Variants in MID1 observed in about 807,000 individuals in gnomAD.
MID1 encodes the protein E3 ubiquitin-protein ligase Midline-1.
A neutral mutation model predicts 40.4 loss-of-function variants in MID1; 7 were observed. That is an observed-to-expected ratio of 0.17 (90% confidence interval 0.10 to 0.33). MID1 has a LOEUF of 0.33. Ranked by LOEUF, MID1 falls within the 10% of genes least tolerant of loss-of-function variation. The probability of loss-of-function intolerance (pLI) is 1.00; values close to 1 mark genes in which losing one functional copy is unlikely to be tolerated. For synonymous variants in MID1, 229 were observed against 221.2 expected, an observed-to-expected ratio of 1.04 and a Z score of -0.31; for missense variants, 367 against 558.5, an observed-to-expected ratio of 0.66 and a Z score of 3.46.
At position 10,573,809 on chromosome X, in the gene MID1, CCTTTCTGGAACCCGGTTTAGCA is replaced by C. The variant is rs1277525445; in HGVS notation, c.-56-6228_-56-6207del. Among the ~76,000 whole-genome samples, 3 of 111,889 alleles carry C rather than the reference CCTTTCTGGAACCCGGTTTAGCA, an allele frequency of 2.7e-5. No homozygotes were observed. In the East Asian group the frequency reaches 8.4e-4, roughly 31 times the overall value. On this transcript the variant is annotated intron_variant, in intron 1 of 9. Transcript: ENST00000317552. ...TTGTATCCCAAGATGGTCGAGAACC[CCTTTCTGGAACCCGGTTTAGCA>C]CTGACAGTTCTTTGCTTCATGTACT...
At chrX:10,637,467 A>G (rs990425229) in intron 1 of MID1, among the ~76,000 whole-genome samples, 4 of 109,787 alleles carry the variant, frequency 3.6e-5, no homozygotes, top group African/African-American at 1.3e-4. Flanking sequence ...TCTACTAAAA[A>G]TACAAAAATT....
intron 1 of MID1, among the ~76,000 whole-genome samples, chrX:10,615,797 A>C (rs1185819485): frequency 8.9e-6 from 1 of 112,285 alleles, no homozygotes; most frequent in Non-Finnish European, 1.9e-5. Context: ...TGGGCAAACA[A>C]ATTTCTAGAA....
At chrX:10,756,164 G>A (rs1337948548) in intron 1 of MID1, among the ~76,000 whole-genome samples, 6 of 111,528 alleles carry the variant, frequency 5.4e-5, no homozygotes, top group African/African-American at 2.0e-4. Flanking sequence ...AGAGCATATA[G>A]CATACGGCCA....
chrX:10,828,879 G>A (rs2044233360), intron 1 of MID1, among the ~76,000 whole-genome samples: 1 of 112,305 alleles, frequency 8.9e-6, no homozygotes, highest in African/African-American at 3.2e-5. Flanking sequence ...TGCCAGGTAC[G>A]TTCACAGACA....
intron 8 of MID1, among the ~76,000 whole-genome samples, chrX:10,455,661 T>TAAC (rs937628871): frequency 8.9e-6 from 1 of 112,152 alleles, no homozygotes; most frequent in Non-Finnish European, 1.9e-5. Flanking sequence ...TCTTGGGTCT[T>TAAC]AACATATAGA....
chrX:10,522,858 A>G (rs1265917213), intron 3 of MID1, among the ~76,000 whole-genome samples: 1 of 112,186 alleles, frequency 8.9e-6, no homozygotes, highest in Non-Finnish European at 1.9e-5. Flanking sequence ...TAGGACTGCT[A>G]TGTAATGCTA....
chrX:10,468,597 C>T (rs902410840), intron 7 of MID1, among the ~76,000 whole-genome samples: 14 of 112,211 alleles, frequency 1.2e-4, no homozygotes, highest in Admixed American at 1.2e-3. Context: ...AAAGCCATGT[C>T]TTCTGGTCCA....
intron 1 of MID1, among the ~76,000 whole-genome samples, chrX:10,676,957 C>T (rs1361309000): frequency 9.0e-6 from 1 of 111,708 alleles, no homozygotes; most frequent in East Asian, 2.8e-4. Context: ...TCATCTGAGT[C>T]TTATGACCCT....
intron 1 of MID1, among the ~76,000 whole-genome samples, chrX:10,690,516 A>G (rs979033583): frequency 1.8e-5 from 2 of 112,187 alleles, no homozygotes; most frequent in African/African-American, 6.5e-5. Flanking sequence ...TCATATTCCT[A>G]CTGCTTGTAT....
intron 1 of MID1, among the ~76,000 whole-genome samples, chrX:10,760,922 G>C (rs1247857257): frequency 8.9e-6 from 1 of 111,964 alleles, no homozygotes; most frequent in African/African-American, 3.2e-5. Flanking sequence ...TAATTATCTT[G>C]CTTGCTCTTC....
chrX:10,778,854 T>G (rs1039140987), intron 1 of MID1, among the ~76,000 whole-genome samples: 41 of 113,525 alleles, frequency 3.6e-4, no homozygotes, highest in Non-Finnish European at 7.3e-4. Flanking sequence ...AGCCACTAAA[T>G]TTGTATTAAT....
At chrX:10,582,120 C>T (rs546714020) in intron 1 of MID1, among the ~76,000 whole-genome samples, 2 of 111,621 alleles carry the variant, frequency 1.8e-5, no homozygotes, top group East Asian at 5.6e-4. Flanking sequence ...TCCTACGGAG[C>T]ATCCTAGGTC....
At chrX:10,735,110 T>C (rs902353406) in intron 1 of MID1, among the ~76,000 whole-genome samples, 15 of 112,140 alleles carry the variant, frequency 1.3e-4, no homozygotes, top group African/African-American at 4.9e-4. Flanking sequence ...TTTTTATTTT[T>C]TTATTTTTTG....
At chrX:10,737,400 A>T (rs1372459500) in intron 1 of MID1, among the ~76,000 whole-genome samples, 2 of 112,751 alleles carry the variant, frequency 1.8e-5, no homozygotes, top group Non-Finnish European at 3.7e-5. Context: ...CTTTGGATGG[A>T]TCTTGCTGCC....
intron 1 of MID1, among the ~76,000 whole-genome samples, chrX:10,701,889 A>G (rs2043195912): frequency 8.9e-6 from 1 of 112,637 alleles, no homozygotes; most frequent in African/African-American, 3.2e-5. Flanking sequence ...CGTGGTTGCA[A>G]TCAAGTCATT....
At chrX:10,644,375 C>T (rs1936239193) in intron 1 of MID1, among the ~76,000 whole-genome samples, 1 of 110,392 alleles carries the variant, frequency 9.1e-6, no homozygotes, top group Admixed American at 9.7e-5. Flanking sequence ...CTTCATTCCT[C>T]CTTCCTCTCA....
At chrX:10,554,923 A>C (rs1324822202) in intron 2 of MID1, among the ~76,000 whole-genome samples, 1 of 112,184 alleles carries the variant, frequency 8.9e-6, no homozygotes, top group East Asian at 2.8e-4. Flanking sequence ...CTACCAGGTC[A>C]GGATATTCAT....
chrX:10,611,398 G>GA (rs1361892890), intron 1 of MID1, among the ~76,000 whole-genome samples: 1 of 112,051 alleles, frequency 8.9e-6, no homozygotes, highest in African/African-American at 3.2e-5. Flanking sequence ...TGTTAAATGG[G>GA]AAAAATATGC....
chrX:10,546,228 A>G (rs751033099), intron 2 of MID1, among the ~76,000 whole-genome samples: 157 of 112,381 alleles, frequency 1.4e-3, no homozygotes, highest in Middle Eastern at 0.014. Flanking sequence ...TTAATATTTT[A>G]AGGTAAAAAT....
Sources: gnomAD v4.1 joint callset for allele counts (sites outside exome capture counted in the v4.1 genomes callset) on GRCh38, gnomAD v4.1.1 for gene constraint, MANE v1.5 for transcripts, NCBI Gene and HGNC (gene_info 2026-07-23, HGNC 2026-07-21) for gene names.